Variants in VAPA observed in about 807,000 individuals in gnomAD.
VAPA encodes the protein VAMP associated protein A, also known as vesicle-associated membrane protein-associated protein A.
Under a neutral mutation model 25.6 loss-of-function variants are expected in VAPA, and 6 were observed. That is an observed-to-expected ratio of 0.23 (90% CI 0.13 to 0.46). The LOEUF (loss-of-function observed/expected upper bound fraction) is 0.46. Ranked by LOEUF, VAPA falls within the 20% of genes least tolerant of loss-of-function variation. The pLI is 0.99. For synonymous variants in VAPA, 112 were observed against 106.2 expected (o/e 1.05, Z -0.34); for missense variants, 244 against 302.1 (o/e 0.81, Z 1.43).
At chr18:9,924,164 C>T (rs1353492992) in intron 1 of VAPA, 2 of 151,814 alleles carry the variant, frequency 1.3e-5, no homozygotes, top group Non-Finnish European at 2.9e-5. Flanking sequence ...TTTCCCCTAG[C>T]AAAAACTTTA....
chr18:9,953,511 G>T (rs536496937), intron 5 of VAPA, among the ~76,000 whole-genome samples: 2 of 152,190 alleles, frequency 1.3e-5, no homozygotes, highest in East Asian at 3.9e-4. Flanking sequence ...CCATATCTCT[G>T]TTTACGGCAA....
At position 9,914,024 on chromosome 18, in the gene VAPA, C is replaced by G; in HGVS notation, c.-233C>G. 1 of 457,666 alleles carries G rather than the reference C, an allele frequency of 2.2e-6. No homozygotes were observed. The allele number at this position is 457,666 out of a possible 1,614,324, so 28.4% of individuals were successfully genotyped here. ...CCGTCACGTGGGTCGCCGAGGCTCG[C>G]AAGTGCGCGTGGCCGTGGCGGCTGG... On this transcript the variant is annotated 5_prime_UTR_variant, in exon 1 of 6. Transcript: ENST00000400000.
chr18:9,934,162 C>T (rs992304330), intron 2 of VAPA, among the ~76,000 whole-genome samples: 1 of 152,230 alleles, frequency 6.6e-6, no homozygotes, highest in African/African-American at 2.4e-5. Context: ...TATGCTTCTT[C>T]CAACAACCTT....
At position 9,920,739 on chromosome 18, in the gene VAPA, C is replaced by T. The variant is rs1247087978; in HGVS notation, c.79+6404C>T. 3.3e-5 allele frequency among the ~76,000 whole-genome samples: 5 copies of T among 152,258 alleles called. No individual in the cohort carries two copies. The East Asian group carries it at 9.6e-4, about 29-fold the overall frequency. On this transcript the variant is annotated intron_variant, in intron 1 of 5. Coordinates refer to ENST00000400000, the MANE Select transcript of VAPA (RefSeq NM_194434.3). ...ATGTACTTGAAAAATCCAAAATCCA[C>T]TGCCTAACTCTCCAGCCTCAGTGTC... is the stretch of plus-strand genomic sequence containing the variant.
intron 4 of VAPA, among the ~76,000 whole-genome samples, chr18:9,939,518 CTTT>C (rs77169950): frequency 4.7e-4 from 63 of 133,148 alleles, no homozygotes; most frequent in Non-Finnish European, 5.8e-4. Context: ...CGTTTCCTCT[CTTT>C]TTTTTTTTTT....
chr18:9,928,413 A>G (rs928314935), intron 1 of VAPA, among the ~76,000 whole-genome samples: 2 of 152,152 alleles, frequency 1.3e-5, no homozygotes, highest in Non-Finnish European at 1.5e-5. Context: ...AGCATTCGGC[A>G]AAGTGCTCCT....
intron 4 of VAPA, chr18:9,948,214 C>A (rs1054330254): frequency 8.5e-5 from 13 of 152,068 alleles, no homozygotes; most frequent in Admixed American, 6.5e-4. Context: ...AAGTCTAATT[C>A]TATTAGAATT....
At chr18:9,937,218 CTTTT>C in intron 4 of VAPA, 152 bp downstream of exon 4, 1 of 205,254 alleles carries the variant, frequency 4.9e-6, no homozygotes. Context: ...CTTGGTATGC[CTTTT>C]TTTTTTTTTT....
At chr18:9,924,620 G>A (rs29193) in intron 1 of VAPA, among the ~76,000 whole-genome samples, 79,700 of 152,018 alleles carry the variant, frequency 0.52, 21,498 homozygotes, top group African/African-American at 0.61. Flanking sequence ...AGTTTTTTAA[G>A]ATGAAATGTC....
intron 4 of VAPA, chr18:9,944,960 T>C: frequency 6.2e-7 from 1 of 1,614,172 alleles, no homozygotes; most frequent in Non-Finnish European, 8.5e-7. Context: ...GACTGTCACT[T>C]CAATGAGCAG....
rs1417927445 is a variant in VAPA at position 9,915,164 on chromosome 18, C to T, written c.79+829C>T. On this transcript the variant is annotated intron_variant, in intron 1 of 5. Transcript: ENST00000400000. ...TTCTACGACATTTCAGTGTGCCACC[C>T]GCGTGCTTTTATTTAGCCCTTTAGT... is the stretch of plus-strand genomic sequence containing the variant. 5 of 152,294 alleles carry T rather than the reference C, an allele frequency of 3.3e-5. No individual in the cohort carries two copies. In the East Asian group the frequency reaches 5.8e-4, roughly 18 times the overall value. The allele number at this position is 152,294 out of a possible 1,614,324, so 9.4% of individuals were successfully genotyped here.
intron 1 of VAPA, among the ~76,000 whole-genome samples, chr18:9,922,020 C>T (rs1035259742): frequency 3.3e-5 from 5 of 152,072 alleles, no homozygotes; most frequent in African/African-American, 1.2e-4. Context: ...ACTCTGACAC[C>T]AGACTGAAGT....
intron 4 of VAPA, 110 bp from the exon 5 acceptor site, chr18:9,950,285 C>T (rs2143432934): frequency 1.6e-6 from 2 of 1,234,556 alleles, no homozygotes; most frequent in Non-Finnish European, 2.3e-6. Flanking sequence ...TGATTTAGGC[C>T]TTTTAAAGAG....
chr18:9,955,378 A>G lies in VAPA; in HGVS notation c.*1167A>G, dbSNP rs149789043. On this transcript the variant is annotated 3_prime_UTR_variant, in exon 6 of 6. Coordinates refer to ENST00000400000, the MANE Select transcript of VAPA (RefSeq NM_194434.3). ...AGCCTTTGCAAATGTTAACCATGTGAAACACATTTTCAGTATAAGTATGCG... is the reference window on the plus strand; with the variant it reads ...AGCCTTTGCAAATGTTAACCATGTGGAACACATTTTCAGTATAAGTATGCG... 2.6e-5 allele frequency: 4 copies of G among 152,336 alleles called. No homozygotes were observed. The East Asian group carries it at 7.7e-4, about 29-fold the overall frequency. 9.4% of individuals were successfully genotyped at this position (152,336 alleles called of 1,614,324 possible).
At chr18:9,928,963 CATATAGGTAGATTCATGTGA>C (rs1234774596) in intron 1 of VAPA, among the ~76,000 whole-genome samples, 7 of 152,092 alleles carry the variant, frequency 4.6e-5, no homozygotes, top group African/African-American at 9.7e-5. Flanking sequence ...CGTTTTAGGG[CATATAGGTAGATTCATGTGA>C]ATATAGGTAG....
At chr18:9,950,726 C>T (rs1396028230) in intron 5 of VAPA, 158 bp downstream of exon 5, 13 of 669,668 alleles carry the variant, frequency 1.9e-5, no homozygotes, top group Non-Finnish European at 3.2e-5. Context: ...CCTCTTTTAA[C>T]AGTCTTCCCG....
chr18:9,944,970 G>A (rs2069406393), intron 4 of VAPA: 2 of 1,614,166 alleles, frequency 1.2e-6, no homozygotes, highest in Non-Finnish European at 1.7e-6. Flanking sequence ...TCAATGAGCA[G>A]CATCAACAAC....
chr18:9,952,345 T>A (rs1408476270), intron 5 of VAPA, among the ~76,000 whole-genome samples: 1 of 152,078 alleles, frequency 6.6e-6, no homozygotes, highest in Non-Finnish European at 1.5e-5. Context: ...GGCGTGTGGA[T>A]CACCTGAGGT....
At chr18:9,920,335 C>T (rs1328900350) in intron 1 of VAPA, among the ~76,000 whole-genome samples, 1 of 152,144 alleles carries the variant, frequency 6.6e-6, no homozygotes, top group Non-Finnish European at 1.5e-5. Context: ...TGGAGTCTCG[C>T]TTTGTCACCC....
Sources: gnomAD v4.1 joint callset for allele counts (sites outside exome capture counted in the v4.1 genomes callset) on GRCh38, gnomAD v4.1.1 for gene constraint, MANE v1.5 for transcripts, NCBI Gene and HGNC (gene_info 2026-07-23, HGNC 2026-07-21) for gene names.